The following SUGCT variants were observed in gnomAD, a reference collection of about 807,000 sequenced individuals.
The protein encoded by SUGCT is succinyl-CoA:glutarate-CoA transferase, also known as succinyl-CoA:glutarate CoA-transferase.
SUGCT carries 41 observed loss-of-function variants against 55.0 expected under a neutral mutation model. The observed-to-expected ratio is 0.74, with a 90% CI of 0.58 to 0.97. The LOEUF is 0.97. SUGCT is among the 50% of genes least tolerant of loss of function. The pLI is 0.00. For synonymous variants in SUGCT, 187 were observed against 200.4 expected (o/e 0.93, Z 0.56); for missense variants, 568 against 547.8 (o/e 1.04, Z -0.37).
At chr7:40,760,559 A>G (rs986021229) in intron 13 of SUGCT, among the ~76,000 whole-genome samples, 9 of 152,220 alleles carry the variant, frequency 5.9e-5, no homozygotes, top group Admixed American at 2.0e-4. Context: ...TAGTGCCACT[A>G]AAGTGTACGC....
intron 9 of SUGCT, among the ~76,000 whole-genome samples, chr7:40,404,372 A>T (rs1157603530): frequency 6.6e-6 from 1 of 151,942 alleles, no homozygotes; most frequent in Admixed American, 6.5e-5. Context: ...CGAGACAATG[A>T]CATTCTCTAG....
At chr7:40,418,805 G>A (rs933669855) in intron 9 of SUGCT, among the ~76,000 whole-genome samples, 2 of 152,108 alleles carry the variant, frequency 1.3e-5, no homozygotes, top group African/African-American at 4.8e-5. Flanking sequence ...TCAAAACAGA[G>A]GAAATGACAT....
At chr7:40,777,402 G>C (rs573752377) in intron 13 of SUGCT, among the ~76,000 whole-genome samples, 3 of 151,712 alleles carry the variant, frequency 2.0e-5, no homozygotes, top group Non-Finnish European at 4.4e-5. Flanking sequence ...AGACATCAGA[G>C]CCACATTCTG....
chr7:40,383,436 G>A (rs748457696), intron 9 of SUGCT, among the ~76,000 whole-genome samples: 2 of 152,070 alleles, frequency 1.3e-5, no homozygotes, highest in Non-Finnish European at 2.9e-5. Flanking sequence ...GAACAAAAAC[G>A]GACTTAACTC....
At chr7:40,914,278 C>CTTTTTCTTTTTTTT in the SUGCT span, among the ~76,000 whole-genome samples, 1 of 83,748 alleles carries the variant, frequency 1.2e-5, no homozygotes, top group Non-Finnish European at 2.7e-5. Context: ...TTTTCTTTTT[C>CTTTTTCTTTTTTTT]TTTTTTTTTT....
At chr7:40,382,435 A>G (rs1018580852) in intron 9 of SUGCT, among the ~76,000 whole-genome samples, 3 of 152,148 alleles carry the variant, frequency 2.0e-5, no homozygotes, top group Non-Finnish European at 4.4e-5. Flanking sequence ...ACTTTATTGG[A>G]TAGGAAGAGG....
chr7:40,994,781 C>G, the SUGCT span, among the ~76,000 whole-genome samples: 1 of 152,160 alleles, frequency 6.6e-6, no homozygotes, highest in Non-Finnish European at 1.5e-5. Flanking sequence ...TTACCACCAT[C>G]CCTTTGGTGA....
chr7:40,807,534 A>G (rs1791168380), intron 13 of SUGCT, among the ~76,000 whole-genome samples: 1 of 152,200 alleles, frequency 6.6e-6, no homozygotes, highest in Non-Finnish European at 1.5e-5. Flanking sequence ...GCTGAGATTT[A>G]GGAAAGGATG....
chr7:40,240,044 T>G (rs1419625043), intron 7 of SUGCT, among the ~76,000 whole-genome samples: 1 of 152,032 alleles, frequency 6.6e-6, no homozygotes, highest in African/African-American at 2.4e-5. Context: ...CAGAAAATAT[T>G]TATTACATGC....
intron 7 of SUGCT, among the ~76,000 whole-genome samples, chr7:40,270,046 G>T (rs1791900839): frequency 6.7e-6 from 1 of 148,342 alleles, no homozygotes. Flanking sequence ...TGAGATAAGA[G>T]AATTGCATGA....
chr7:40,346,669 C>T (rs1241132268), intron 9 of SUGCT, among the ~76,000 whole-genome samples: 1 of 152,118 alleles, frequency 6.6e-6, no homozygotes, highest in Non-Finnish European at 1.5e-5. Flanking sequence ...CTATATGTGT[C>T]CCCCAAAATT....
At chr7:40,461,639 A>G (rs1327238627) in intron 11 of SUGCT, among the ~76,000 whole-genome samples, 1 of 152,220 alleles carries the variant, frequency 6.6e-6, no homozygotes, top group Non-Finnish European at 1.5e-5. Context: ...AGTTGTCATT[A>G]TGAATGATAC....
chr7:40,995,794 G>C, the SUGCT span, among the ~76,000 whole-genome samples: 1 of 152,150 alleles, frequency 6.6e-6, no homozygotes, highest in Non-Finnish European at 1.5e-5. Context: ...AGGGCTGGCA[G>C]TTGCACCTCA....
chr7:40,316,213 A>G (rs545679287), intron 8 of SUGCT, among the ~76,000 whole-genome samples: 7 of 152,368 alleles, frequency 4.6e-5, no homozygotes, highest in Admixed American at 3.9e-4. Context: ...CTTTTCTGTC[A>G]GAATGCTTTG....
At chr7:40,691,959 T>A (rs1369567472) in intron 12 of SUGCT, among the ~76,000 whole-genome samples, 2 of 152,214 alleles carry the variant, frequency 1.3e-5, no homozygotes, top group Non-Finnish European at 2.9e-5. Flanking sequence ...TGAAATGATC[T>A]ATTTCATAGA....
intron 12 of SUGCT, among the ~76,000 whole-genome samples, chr7:40,514,997 C>A (rs1354093932): frequency 2.0e-5 from 3 of 152,116 alleles, no homozygotes; most frequent in Admixed American, 6.5e-5. Context: ...CACTTGATTT[C>A]CCTCAATAAT....
chr7:40,605,151 T>C (rs1798463226), intron 12 of SUGCT, among the ~76,000 whole-genome samples: 1 of 152,242 alleles, frequency 6.6e-6, no homozygotes, highest in Non-Finnish European at 1.5e-5. Context: ...ACGATGGCCA[T>C]GGAAATACAG....
chr7:40,967,036 A>G, the SUGCT span: 90 of 152,340 alleles, frequency 5.9e-4, no homozygotes, highest in Middle Eastern at 3.4e-3. Context: ...GATGCTTACC[A>G]TCATGGAACC....
chr7:40,900,653 C>T, the SUGCT span, among the ~76,000 whole-genome samples: 6 of 152,186 alleles, frequency 3.9e-5, no homozygotes, highest in Admixed American at 1.3e-4. Flanking sequence ...CTCTGAAGGT[C>T]CTTGCCAGTG....
Sources: gnomAD v4.1 joint callset for allele counts (sites outside exome capture counted in the v4.1 genomes callset) on GRCh38, gnomAD v4.1.1 for gene constraint, MANE v1.5 for transcripts, NCBI Gene and HGNC (gene_info 2026-07-23, HGNC 2026-07-21) for gene names.